PIAS4: variants seen among roughly 807,000 people sequenced by gnomAD.
PIAS4 encodes E3 SUMO-protein ligase PIAS4.
A neutral mutation model predicts 58.0 loss-of-function variants in PIAS4; 7 were observed. The observed-to-expected ratio is 0.12, with a 90% confidence interval of 0.07 to 0.23. The LOEUF (loss-of-function observed/expected upper bound fraction) is 0.23, where lower values mean the gene tolerates loss of function less well. Among genes scored for constraint, PIAS4 ranks in the 10% least tolerant of loss-of-function variants. The pLI is 1.00. For missense variants in PIAS4, 550 were observed against 709.5 expected (o/e 0.78, Z 2.55); for synonymous variants, 364 against 312.4 (o/e 1.17, Z -1.74).
chr19:4,011,152 G>A (rs1010340442), intron 1 of PIAS4, among the ~76,000 whole-genome samples: 1 of 152,228 alleles, frequency 6.6e-6, no homozygotes, highest in African/African-American at 2.4e-5. Context: ...CTCTGGCTTC[G>A]ACCCTCAGGG....
intron 9 of PIAS4, among the ~76,000 whole-genome samples, chr19:4,035,531 G>C (rs140818247): frequency 3.3e-5 from 5 of 152,124 alleles, no homozygotes; most frequent in Admixed American, 6.5e-5. Flanking sequence ...TAAAAAGGCC[G>C]GACACAGTGG....
chr19:4,014,490 C>T (rs988272187), intron 2 of PIAS4, among the ~76,000 whole-genome samples: 5 of 152,198 alleles, frequency 3.3e-5, no homozygotes, highest in African/African-American at 4.8e-5. Context: ...TGCCTTGAGG[C>T]GCTCAGATTT....
intron 3 of PIAS4, among the ~76,000 whole-genome samples, chr19:4,024,378 G>A (rs1202745962): frequency 4.6e-5 from 7 of 152,238 alleles, no homozygotes; most frequent in African/African-American, 1.2e-4. Flanking sequence ...TTTTAACACG[G>A]TCTTGCCCTC....
At chr19:4,008,310 C>T (rs1473743325) in intron 1 of PIAS4, among the ~76,000 whole-genome samples, 1 of 152,100 alleles carries the variant, frequency 6.6e-6, no homozygotes, top group Non-Finnish European at 1.5e-5. Flanking sequence ...GGAAGGGTCC[C>T]CCGAGTCCTG....
intron 9 of PIAS4, among the ~76,000 whole-genome samples, chr19:4,034,053 C>T (rs2144940385): frequency 6.6e-6 from 1 of 152,364 alleles, no homozygotes; most frequent in African/African-American, 2.4e-5. Context: ...AGGCATTCCC[C>T]AGGCCACAGG....
chr19:4,032,833 G>A (rs958616622), intron 7 of PIAS4, among the ~76,000 whole-genome samples: 3 of 152,208 alleles, frequency 2.0e-5, no homozygotes, highest in African/African-American at 7.2e-5. Flanking sequence ...CATAGTCCAC[G>A]CAGGGTGGGG....
chr19:4,015,263 C>T (rs940272992), intron 2 of PIAS4, among the ~76,000 whole-genome samples: 4 of 152,300 alleles, frequency 2.6e-5, no homozygotes, highest in South Asian at 2.1e-4. Flanking sequence ...TTCCTGGGAG[C>T]GGCAGGGCAG....
In PIAS4 at chr19:4,037,523, C is replaced by T. The variant is rs762980816; in HGVS notation, c.1273+19C>T. ...GTGCTGGGTGAGTGCCTCACCCCAC[C>T]AGCCGCGCAGTCCGCAGCCAGGGCC... is the stretch of plus-strand genomic sequence containing the variant. On this transcript the variant is annotated intron_variant, in intron 10 of 10. Coordinates refer to ENST00000262971, the MANE Select transcript of PIAS4 (RefSeq NM_015897.4). The surrounding 1 kb of genome is among the most constrained non-coding windows in gnomAD (Gnocchi z 5.8). 2 of 1,609,210 alleles carry T rather than the reference C, an allele frequency of 1.2e-6. No homozygotes were observed. The highest frequency in any genetic ancestry group is 3.3e-5 in the Admixed American group (2 of 59,930).
At chr19:4,026,259 A>G (rs562298219) in intron 3 of PIAS4, among the ~76,000 whole-genome samples, 1 of 145,576 alleles carries the variant, frequency 6.9e-6, no homozygotes, top group Non-Finnish European at 1.5e-5. Context: ...CAGCCTCCCG[A>G]GTAGCTGGGA....
chr19:4,014,625 C>T (rs1462259225), intron 2 of PIAS4, among the ~76,000 whole-genome samples: 1 of 152,198 alleles, frequency 6.6e-6, no homozygotes. Context: ...GTGATGGGCA[C>T]CAGGCGTGGG....
At chr19:4,036,934 ACAC>A (rs1461671275) in intron 9 of PIAS4, among the ~76,000 whole-genome samples, 1 of 151,972 alleles carries the variant, frequency 6.6e-6, no homozygotes, top group African/African-American at 2.4e-5. Flanking sequence ...GCTCACACAC[ACAC>A]ATTCATAGAC....
At position 4,020,460 on chromosome 19, in the gene PIAS4, G is replaced by C. The variant is rs115682674; in HGVS notation, c.455-3576G>C. ...CTGTCATCTCGTTGTCTCGTCTCCC[G>C]GCCACTGCAAGGCTGCCATTGTGGC... On this transcript the variant is annotated intron_variant, in intron 2 of 10. Transcript: ENST00000262971. 8.4e-3 allele frequency among the ~76,000 whole-genome samples: 1,275 copies of C among 151,230 alleles called. 14 individuals are homozygous for C. Among genetic ancestry groups the C allele is most frequent in the African/African-American group, 0.03 (1,226 of 41,108 alleles).
At position 4,013,819 on chromosome 19, in the gene PIAS4, G is replaced by T. The variant is rs1206197393; in HGVS notation, c.454+470G>T. Among the ~76,000 whole-genome samples the T allele has an allele frequency of 6.6e-6, 1 of 152,164 alleles. No homozygotes were observed. Among genetic ancestry groups the T allele is most frequent in the Non-Finnish European group, 1.5e-5 (1 of 68,018 alleles). ...TTGCCTGGGCGTCCTCAGCCTGGTG[G>T]CTCCCTCACCCTAGGGTAGCGAGTG... On this transcript the variant is annotated intron_variant, in intron 2 of 10. Coordinates refer to ENST00000262971, the MANE Select transcript of PIAS4 (RefSeq NM_015897.4). The surrounding 1 kb of genome is among the most constrained non-coding windows in gnomAD (Gnocchi z 5.1).
intron 1 of PIAS4, among the ~76,000 whole-genome samples, 192 bp downstream of exon 1, chr19:4,007,979 C>G (rs922546388): frequency 6.6e-6 from 1 of 151,458 alleles, no homozygotes; most frequent in Non-Finnish European, 1.5e-5. Context: ...GGGCGGGGCC[C>G]TCCTGCCTCA....
chr19:4,027,756 C>T (rs1022612809), intron 3 of PIAS4, among the ~76,000 whole-genome samples: 3 of 151,974 alleles, frequency 2.0e-5, no homozygotes, highest in Admixed American at 1.3e-4. Context: ...CACCATGTTG[C>T]GCAGGCTCGT....
At chr19:4,021,058 C>G (rs901739995) in intron 2 of PIAS4, among the ~76,000 whole-genome samples, 1 of 152,204 alleles carries the variant, frequency 6.6e-6, no homozygotes, top group Non-Finnish European at 1.5e-5. Flanking sequence ...GCAGAGAGTT[C>G]TGATTGCTCT....
intron 2 of PIAS4, 57 bp from the exon 3 acceptor site, chr19:4,023,979 G>A: frequency 1.0e-5 from 12 of 1,200,738 alleles, no homozygotes; most frequent in Non-Finnish European, 1.5e-5. Flanking sequence ...AAAAGCGACT[G>A]GGCTCGGGGG....
At position 4,012,960 on chromosome 19, in the gene PIAS4, T is replaced by A. The variant is rs1211879153; in HGVS notation, c.65T>A (p.Met22Lys). The change falls in exon 2 of 11, where the codon ATG becomes AAG. Residue 22 changes from methionine to lysine, a missense_variant. By Grantham distance (95) the Met-to-Lys change is moderately conservative. Coordinates refer to ENST00000262971, the MANE Select transcript of PIAS4 (RefSeq NM_015897.4). ...AGTTTTCGAGTCTCCGACCTTCAGA[T>A]GCTCCTGGGTTTCGTGGGCCGGAGT... ...VMSFRVSDLQ[M>K]LLGFVGRSKS... 2 of 1,613,524 alleles carry A rather than the reference T, an allele frequency of 1.2e-6. No individual in the cohort carries two copies. Among genetic ancestry groups the A allele is most frequent in the African/African-American group, 1.3e-5 (1 of 74,908 alleles).
intron 1 of PIAS4, among the ~76,000 whole-genome samples, chr19:4,009,810 G>C (rs951627081): frequency 6.6e-6 from 1 of 152,210 alleles, no homozygotes; most frequent in Non-Finnish European, 1.5e-5. Context: ...AGGGGCGAAT[G>C]TTGGGGGTTT....
Sources: gnomAD v4.1 joint callset for allele counts (sites outside exome capture counted in the v4.1 genomes callset) on GRCh38, gnomAD v4.1.1 for gene constraint, Gnocchi (gnomAD v3.1) non-coding constraint, MANE v1.5 for transcripts, NCBI Gene and HGNC (gene_info 2026-07-23, HGNC 2026-07-21) for gene names.